Variants in EPHA6 observed in about 807,000 individuals in gnomAD.
EPHA6 encodes the protein ephrin type-A receptor 6.
Under a neutral mutation model 112.0 loss-of-function variants are expected in EPHA6, and 50 were observed. The ratio of observed to expected loss-of-function variants is 0.45; its 90% CI spans 0.36 to 0.56. The LOEUF is 0.56. Ranked by LOEUF, EPHA6 falls within the 20% of genes least tolerant of loss-of-function variation. The pLI is 0.00. For missense variants in EPHA6, 1,280 were observed against 1,417.4 expected, an observed-to-expected ratio of 0.90 and a Z score of 1.56; for synonymous variants, 529 against 490.7, an observed-to-expected ratio of 1.08 and a Z score of -1.03.
At chr3:96,857,337 C>A (rs1196559312) in intron 1 of EPHA6, among the ~76,000 whole-genome samples, 1 of 152,014 alleles carries the variant, frequency 6.6e-6, no homozygotes, top group African/African-American at 2.4e-5. Flanking sequence ...ATATTTTATG[C>A]CAACCATAAA....
chr3:97,398,291 A>C (rs1468081346), intron 5 of EPHA6, among the ~76,000 whole-genome samples: 1 of 151,494 alleles, frequency 6.6e-6, no homozygotes, highest in East Asian at 1.9e-4. Flanking sequence ...CATTTTCAAA[A>C]ATTGTAATGA....
At chr3:97,098,544 G>A (rs1183135924) in intron 3 of EPHA6, among the ~76,000 whole-genome samples, 1 of 151,792 alleles carries the variant, frequency 6.6e-6, no homozygotes, top group Non-Finnish European at 1.5e-5. Flanking sequence ...TTTTAAATGT[G>A]AATGTGATGA....
At chr3:97,609,090 G>A (rs1051747010) in intron 12 of EPHA6, among the ~76,000 whole-genome samples, 5 of 151,090 alleles carry the variant, frequency 3.3e-5, no homozygotes, top group South Asian at 2.1e-4. Flanking sequence ...GTTTGTTAAA[G>A]AAAATAAAAA....
At chr3:97,234,324 A>T (rs1468232635) in intron 4 of EPHA6, among the ~76,000 whole-genome samples, 1 of 152,088 alleles carries the variant, frequency 6.6e-6, no homozygotes, top group African/African-American at 2.4e-5. Flanking sequence ...ATCAAAAAAA[A>T]TGCTCCCAGT....
intron 3 of EPHA6, among the ~76,000 whole-genome samples, chr3:97,020,944 A>G (rs1465244404): frequency 6.6e-6 from 1 of 152,132 alleles, no homozygotes. Flanking sequence ...TCTGGCATAA[A>G]TGGGTTAAAT....
intron 10 of EPHA6, among the ~76,000 whole-genome samples, chr3:97,520,869 A>G (rs561280445): frequency 6.6e-6 from 1 of 152,302 alleles, no homozygotes. Context: ...GGTGTCCCAT[A>G]TGTCACATAG....
chr3:97,536,569 G>A (rs1211250324), intron 11 of EPHA6, among the ~76,000 whole-genome samples: 1 of 152,158 alleles, frequency 6.6e-6, no homozygotes, highest in African/African-American at 2.4e-5. Context: ...TGCTGCGCTT[G>A]CTCAAAACCC....
chr3:96,940,080 G>T (rs2040848765), intron 2 of EPHA6, among the ~76,000 whole-genome samples: 1 of 152,198 alleles, frequency 6.6e-6, no homozygotes, highest in Non-Finnish European at 1.5e-5. Flanking sequence ...TGTATATTCT[G>T]TTGATCTGGG....
At chr3:97,449,195 C>G (rs146893128) in intron 7 of EPHA6, among the ~76,000 whole-genome samples, 93 of 152,144 alleles carry the variant, frequency 6.1e-4, no homozygotes, top group Middle Eastern at 3.4e-3. Context: ...ATCAGAAACC[C>G]ACATTAATTC....
chr3:97,267,266 G>A (rs774345519), intron 5 of EPHA6, among the ~76,000 whole-genome samples: 1 of 151,862 alleles, frequency 6.6e-6, no homozygotes, highest in Non-Finnish European at 1.5e-5. Context: ...GTCTATCTTG[G>A]TGGGAAATCT....
intron 10 of EPHA6, among the ~76,000 whole-genome samples, chr3:97,517,670 G>A (rs2092468726): frequency 6.6e-6 from 1 of 151,862 alleles, no homozygotes; most frequent in Non-Finnish European, 1.5e-5. Context: ...ACCATTCTGG[G>A]CAATAAGATC....
intron 10 of EPHA6, among the ~76,000 whole-genome samples, chr3:97,500,304 G>GAAAACCAATTTT: frequency 6.6e-6 from 1 of 151,940 alleles, no homozygotes; most frequent in East Asian, 1.9e-4. Flanking sequence ...AAAAAAAGAG[G>GAAAACCAATTTT]TTTAATTGGG....
intron 14 of EPHA6, among the ~76,000 whole-genome samples, chr3:97,659,569 A>G (rs1237099319): frequency 6.6e-6 from 1 of 151,980 alleles, no homozygotes; most frequent in Non-Finnish European, 1.5e-5. Context: ...ACATGGGGGA[A>G]AAAACAGAGA....
At chr3:97,619,796 G>A (rs1428755364) in intron 13 of EPHA6, among the ~76,000 whole-genome samples, 4 of 152,100 alleles carry the variant, frequency 2.6e-5, no homozygotes, top group Non-Finnish European at 5.9e-5. Context: ...AACTTTCCAT[G>A]ACTATGGATA....
rs139934676 is a variant in EPHA6, at chr3:97,236,726, A to G, written c.1271-7226A>G. Among the ~76,000 whole-genome samples, 42 of 152,208 alleles carry G rather than the reference A, an allele frequency of 2.8e-4. No homozygotes were observed. In the East Asian group the frequency reaches 7.9e-3, roughly 29 times the overall value. On this transcript the variant is annotated intron_variant, in intron 4 of 17. Transcript: ENST00000389672. ...GATTGGGAAGAAAGCATAAAACTTGAATTTACATTTGCTCTAAGGCTAACA... is the reference window on the plus strand; with the variant it reads ...GATTGGGAAGAAAGCATAAAACTTGGATTTACATTTGCTCTAAGGCTAACA...
At chr3:97,241,471 G>C (rs1237013019) in intron 4 of EPHA6, among the ~76,000 whole-genome samples, 1 of 151,562 alleles carries the variant, frequency 6.6e-6, no homozygotes, top group Non-Finnish European at 1.5e-5. Flanking sequence ...TTTTCAATGT[G>C]TCACATAATG....
rs1052607912 is a variant in EPHA6, at chr3:97,617,887, A to T, written c.2574+7033A>T. On this transcript the variant is annotated intron_variant, in intron 13 of 17. Transcript: ENST00000389672. The stretch of plus-strand genomic sequence containing the variant: ...GACAGATCATCAAGATAGAAAATTC[A>T]CAAAGATATTCAGGACCTGAACTCA... Among the ~76,000 whole-genome samples the T allele has an allele frequency of 2.0e-5, 3 of 152,184 alleles. No individual in the cohort carries two copies. In the South Asian group the frequency reaches 6.2e-4, roughly 32 times the overall value.
At chr3:97,022,888 T>G (rs1374857335) in intron 3 of EPHA6, among the ~76,000 whole-genome samples, 1 of 152,194 alleles carries the variant, frequency 6.6e-6, no homozygotes, top group African/African-American at 2.4e-5. Context: ...TGAATGAGTA[T>G]TAGCAGGCCA....
At chr3:96,971,113 G>A (rs907832478) in intron 2 of EPHA6, among the ~76,000 whole-genome samples, 1 of 151,892 alleles carries the variant, frequency 6.6e-6, no homozygotes, top group African/African-American at 2.4e-5. Context: ...TCTCAACTTC[G>A]TAAGCCATTT....
Sources: allele counts gnomAD v4.1 joint callset (sites outside exome capture counted in the v4.1 genomes callset), GRCh38; gene constraint gnomAD v4.1.1; transcripts MANE v1.5; gene names NCBI Gene and HGNC (gene_info 2026-07-23, HGNC 2026-07-21).